MYO9A: variants seen among roughly 807,000 people sequenced by gnomAD.
MYO9A encodes unconventional myosin-IXa.
A neutral mutation model predicts 293.3 loss-of-function variants in MYO9A; 103 were observed. That is an observed-to-expected ratio of 0.35 (90% confidence interval 0.30 to 0.41). The LOEUF is 0.41. Ranked by LOEUF, MYO9A falls within the 10% of genes least tolerant of loss-of-function variation. The pLI is 1.00. For synonymous variants in MYO9A, 1,001 were observed against 1,035.7 expected, an observed-to-expected ratio of 0.97 and a Z score of 0.64; for missense variants, 2,685 against 3,033.0, an observed-to-expected ratio of 0.89 and a Z score of 2.69.
intron 4 of MYO9A, among the ~76,000 whole-genome samples, chr15:72,023,743 G>A (rs905337241): frequency 6.6e-6 from 1 of 150,920 alleles, no homozygotes; most frequent in African/African-American, 2.4e-5. Context: ...TATACTGGGG[G>A]TTCTAAAAGG....
At chr15:72,002,396 G>T (rs541027422) in intron 8 of MYO9A, among the ~76,000 whole-genome samples, 1 of 152,050 alleles carries the variant, frequency 6.6e-6, no homozygotes, top group East Asian at 1.9e-4. Flanking sequence ...TAGAGACGGG[G>T]TTTCATCATG....
At chr15:71,861,634 A>C (rs1043325979) in intron 33 of MYO9A, among the ~76,000 whole-genome samples, 7 of 146,924 alleles carry the variant, frequency 4.8e-5, no homozygotes, top group Admixed American at 2.1e-4. Flanking sequence ...ACAAATATTT[A>C]TTAAAACTTA....
chr15:71,943,017 T>C, intron 15 of MYO9A, among the ~76,000 whole-genome samples: 1 of 152,058 alleles, frequency 6.6e-6, no homozygotes, highest in East Asian at 1.9e-4. Flanking sequence ...TCCATCCTTT[T>C]ATTTTCACCT....
intron 3 of MYO9A, among the ~76,000 whole-genome samples, chr15:72,028,194 C>T (rs111581641): frequency 0.012 from 1,430 of 122,064 alleles, 28 homozygotes; most frequent in African/African-American, 0.042. Context: ...GAGAATCTGT[C>T]TCAAAAAAAT....
At position 71,826,122 on chromosome 15, in the gene MYO9A, T is replaced by C. The variant is rs2054490007; in HGVS notation, c.*458A>G. 1 of 151,886 alleles carries C rather than the reference T, an allele frequency of 6.6e-6. No individual in the cohort carries two copies. The highest frequency in any genetic ancestry group is 6.6e-5 in the Admixed American group (1 of 15,042). The allele number at this position is 151,886 out of a possible 1,614,324, so 9.4% of individuals were successfully genotyped here. A position where few individuals can be genotyped will look rare whatever the true frequency, so the allele number is the denominator to read the frequency against. ...TGTAAGTAAGTTTTTGGAAAAAAATTATATTCTACCCTAGCTCCTAACTAT... is the reference window on the plus strand; with the variant it reads ...TGTAAGTAAGTTTTTGGAAAAAAATCATATTCTACCCTAGCTCCTAACTAT... On this transcript the variant is annotated 3_prime_UTR_variant, in exon 42 of 42. Transcript: ENST00000356056.
At chr15:71,860,858 T>A (rs1262342083) in intron 33 of MYO9A, among the ~76,000 whole-genome samples, 1 of 150,896 alleles carries the variant, frequency 6.6e-6, no homozygotes, top group Non-Finnish European at 1.5e-5. Flanking sequence ...TCCCAGCTAC[T>A]TGGGAGGCTG....
At chr15:72,096,069 G>A (rs1016942938) in intron 1 of MYO9A, among the ~76,000 whole-genome samples, 1 of 150,986 alleles carries the variant, frequency 6.6e-6, no homozygotes. Context: ...GCTAAGGCAG[G>A]AGAATCATTT....
intron 39 of MYO9A, among the ~76,000 whole-genome samples, chr15:71,831,462 ATGGTGTGGGT>A: frequency 6.6e-6 from 1 of 152,296 alleles, no homozygotes; most frequent in Non-Finnish European, 1.5e-5. Flanking sequence ...GACCCACTCA[ATGGTGTGGGT>A]TGCTGCCTGG....
chr15:71,969,043 C>T (rs2075946628), intron 12 of MYO9A, among the ~76,000 whole-genome samples: 1 of 152,124 alleles, frequency 6.6e-6, no homozygotes, highest in Non-Finnish European at 1.5e-5. Context: ...TCATAGTTTA[C>T]ATTACGCATT....
intron 3 of MYO9A, 124 bp from the exon 4 acceptor site, chr15:72,027,917 G>T (rs538563999): frequency 1.3e-5 from 9 of 686,026 alleles, no homozygotes; most frequent in Admixed American, 9.3e-5. Flanking sequence ...TGCGCCATTG[G>T]CCGGGCGAGG....
At chr15:72,056,620 A>G (rs2078726352) in intron 1 of MYO9A, among the ~76,000 whole-genome samples, 1 of 152,226 alleles carries the variant, frequency 6.6e-6, no homozygotes, top group African/African-American at 2.4e-5. Context: ...GGGATAACAA[A>G]TTGGGTATAG....
chr15:72,058,142 A>G (rs1188257975), intron 1 of MYO9A, among the ~76,000 whole-genome samples: 2 of 152,236 alleles, frequency 1.3e-5, no homozygotes, highest in African/African-American at 4.8e-5. Context: ...ACCCCCTGAC[A>G]TTCAAATTCA....
intron 15 of MYO9A, chr15:71,950,109 CGTT>C (rs2059018343): frequency 6.6e-6 from 1 of 151,934 alleles, no homozygotes; most frequent in African/African-American, 2.4e-5. Flanking sequence ...CTGGTAGTTC[CGTT>C]TTTTTTAAGA....
At chr15:71,959,848 TAAAAA>T in intron 14 of MYO9A, 48 bp downstream of exon 14, 5 of 1,148,732 alleles carry the variant, frequency 4.4e-6, no homozygotes, top group South Asian at 1.6e-5. Flanking sequence ...AGTAGAAAGG[TAAAAA>T]AAAAAAAAAA....
intron 1 of MYO9A, among the ~76,000 whole-genome samples, chr15:72,106,537 T>C (rs546779436): frequency 6.6e-6 from 1 of 152,332 alleles, no homozygotes; most frequent in Admixed American, 6.5e-5. Flanking sequence ...ATCCTTTTTT[T>C]ATATGGTTTC....
intron 1 of MYO9A, among the ~76,000 whole-genome samples, chr15:72,057,184 G>A (rs373022689): frequency 2.6e-5 from 4 of 151,994 alleles, no homozygotes; most frequent in South Asian, 2.1e-4. Flanking sequence ...AGGCAGAATC[G>A]CTTGAACCCG....
chr15:71,991,299 C>T, intron 10 of MYO9A, 62 bp from the exon 11 acceptor site: 7 of 1,360,400 alleles, frequency 5.1e-6, no homozygotes, highest in Non-Finnish European at 7.1e-6. Flanking sequence ...TGAATAATAT[C>T]CACAACATAA....
chr15:71,927,875 ATACTT>A (rs1250008584), intron 18 of MYO9A, among the ~76,000 whole-genome samples: 6 of 150,188 alleles, frequency 4.0e-5, no homozygotes, highest in African/African-American at 1.2e-4. Flanking sequence ...TGAAGAGACT[ATACTT>A]TACTCATTGT....
In MYO9A at chr15:72,019,070, C is replaced by T; in HGVS notation, c.1124G>A (p.Ser375Asn). 2 of 1,613,858 alleles carry T rather than the reference C, an allele frequency of 1.2e-6. No homozygotes were observed. The highest frequency in any genetic ancestry group is 1.1e-5 in the South Asian group (1 of 91,082). ...AGAGTCATAGCAATAATCATCCCAGCTCTGTCTGAGGGGTTTCTTTGTTAT... is the reference window on the plus strand; with the variant it reads ...AGAGTCATAGCAATAATCATCCCAGTTCTGTCTGAGGGGTTTCTTTGTTAT... ...NQITKKPLRQSWDDYCYDSEP... is the reference protein window; with the variant it reads ...NQITKKPLRQNWDDYCYDSEP... The change falls in exon 6 of 42, where the codon AGC becomes AAC. Residue 375 changes from serine (S) to asparagine (N), a missense_variant. By Grantham distance (46) the Ser-to-Asn change is conservative. Around this residue, in one of 10 missense-constraint regions of MYO9A, gnomAD observed 289 missense variants for 456.8 expected, o/e 0.63. Transcript: ENST00000356056.
Sources: allele counts gnomAD v4.1 joint callset (sites outside exome capture counted in the v4.1 genomes callset), GRCh38; gene constraint gnomAD v4.1.1; regional missense constraint gnomAD v4.1.1; transcripts MANE v1.5; gene names NCBI Gene and HGNC (gene_info 2026-07-23, HGNC 2026-07-21).